The following GRIP1 variants were observed in gnomAD, a reference collection of about 807,000 sequenced individuals.
The protein encoded by GRIP1 is glutamate receptor interacting protein 1, also known as glutamate receptor-interacting protein 1.
GRIP1 carries 45 observed loss-of-function variants against 129.9 expected under a neutral mutation model. That is an observed-to-expected ratio of 0.35 (90% CI 0.27 to 0.44). The LOEUF is 0.44. GRIP1 is among the 20% of genes least tolerant of loss of function. The pLI, the probability that GRIP1 is intolerant of heterozygous loss-of-function variation, is 1.00. For missense variants in GRIP1, 1,196 were observed against 1,396.8 expected (o/e 0.86, Z 2.29); for synonymous variants, 530 against 520.8 (o/e 1.02, Z -0.24).
intron 1 of GRIP1, among the ~76,000 whole-genome samples, chr12:66,611,952 A>T (rs1230367653): frequency 6.6e-6 from 1 of 152,214 alleles, no homozygotes. Flanking sequence ...AAGTGGAAGC[A>T]GACAGGTTTT....
intron 2 of GRIP1, chr12:66,569,017 G>A: frequency 2.3e-6 from 1 of 442,854 alleles, no homozygotes; most frequent in East Asian, 6.4e-5. Flanking sequence ...GTGCTTCTCA[G>A]CATTATTCTG....
chr12:66,405,176 C>A (rs1252111235), intron 16 of GRIP1, among the ~76,000 whole-genome samples: 4 of 152,092 alleles, frequency 2.6e-5, no homozygotes, highest in Admixed American at 6.5e-5. Flanking sequence ...AAAAACCAAA[C>A]CAAACCAAAA....
At chr12:67,030,166 G>GC (rs1018890111) in intron 1 of GRIP1, among the ~76,000 whole-genome samples, 10 of 150,882 alleles carry the variant, frequency 6.6e-5, no homozygotes, top group Non-Finnish European at 1.3e-4. Flanking sequence ...AGCCAAGATC[G>GC]CCCCACTGCA....
intron 7 of GRIP1, among the ~76,000 whole-genome samples, chr12:66,514,125 T>C (rs903682936): frequency 2.6e-5 from 4 of 152,180 alleles, no homozygotes; most frequent in Non-Finnish European, 4.4e-5. Context: ...ATGAGTTTAT[T>C]TGTTTGGTAA....
chr12:66,440,145 CCTTTT>C (rs1174117348), intron 13 of GRIP1, among the ~76,000 whole-genome samples: 1 of 152,088 alleles, frequency 6.6e-6, no homozygotes, highest in Non-Finnish European at 1.5e-5. Flanking sequence ...ATTCTCACAT[CCTTTT>C]CTTTTCTTTT....
intron 13 of GRIP1, among the ~76,000 whole-genome samples, chr12:66,435,080 A>T (rs1158868269): frequency 6.6e-6 from 1 of 152,242 alleles, no homozygotes; most frequent in Admixed American, 6.5e-5. Context: ...CCTCCACACA[A>T]GTGTTTACGG....
chr12:66,672,566 A>C (rs2034132273), intron 1 of GRIP1, among the ~76,000 whole-genome samples: 1 of 151,982 alleles, frequency 6.6e-6, no homozygotes, highest in Admixed American at 6.6e-5. Context: ...TCTTCTGTAT[A>C]TTTAATAAAG....
intron 13 of GRIP1, among the ~76,000 whole-genome samples, chr12:66,433,762 G>A (rs1447080936): frequency 6.6e-6 from 1 of 152,208 alleles, no homozygotes; most frequent in Admixed American, 6.5e-5. Flanking sequence ...TTGGAAAGAA[G>A]TGGGGAGAGG....
intron 4 of GRIP1, among the ~76,000 whole-genome samples, chr12:66,538,805 G>A (rs182165844): frequency 9.9e-5 from 15 of 151,804 alleles, no homozygotes; most frequent in Admixed American, 9.8e-4. Flanking sequence ...GCTTTGCCAT[G>A]TTGCCCAGGC....
chr12:66,412,752 C>T (rs911580643), intron 15 of GRIP1, among the ~76,000 whole-genome samples: 1 of 152,148 alleles, frequency 6.6e-6, no homozygotes, highest in African/African-American at 2.4e-5. Context: ...ATCTCACATG[C>T]AGTGACACAC....
At chr12:66,663,767 C>G (rs1172788822) in intron 1 of GRIP1, among the ~76,000 whole-genome samples, 1 of 152,178 alleles carries the variant, frequency 6.6e-6, no homozygotes, top group Admixed American at 6.5e-5. Flanking sequence ...GTAAACAATA[C>G]CAGAGAATAC....
At chr12:66,477,784 T>C (rs533538045) in intron 7 of GRIP1, among the ~76,000 whole-genome samples, 1 of 148,526 alleles carries the variant, frequency 6.7e-6, no homozygotes, top group Non-Finnish European at 1.5e-5. Flanking sequence ...GGGGAAAGGA[T>C]TCCCTATTTA....
intron 1 of GRIP1, among the ~76,000 whole-genome samples, chr12:66,985,494 T>G (rs1249262267): frequency 6.6e-6 from 1 of 152,182 alleles, no homozygotes; most frequent in Non-Finnish European, 1.5e-5. Context: ...TTTTACTGTT[T>G]AAATTTCCTT....
At chr12:66,559,336 C>G (rs1225974535) in intron 2 of GRIP1, among the ~76,000 whole-genome samples, 1 of 151,994 alleles carries the variant, frequency 6.6e-6, no homozygotes, top group Non-Finnish European at 1.5e-5. Flanking sequence ...CTAGCTAGAG[C>G]AATCAGATAA....
chr12:66,956,055 T>C (rs2041836134), intron 1 of GRIP1, among the ~76,000 whole-genome samples: 2 of 152,238 alleles, frequency 1.3e-5, no homozygotes, highest in South Asian at 2.1e-4. Flanking sequence ...TCCTCTAATA[T>C]TGCCATTTTA....
chr12:66,594,813 C>T (rs1286104506), intron 2 of GRIP1, among the ~76,000 whole-genome samples: 1 of 152,188 alleles, frequency 6.6e-6, no homozygotes, highest in Non-Finnish European at 1.5e-5. Flanking sequence ...TGTTGGGTTT[C>T]ACCTCTCTTT....
At chr12:66,832,541 A>G (rs532324452) in intron 1 of GRIP1, among the ~76,000 whole-genome samples, 4 of 152,308 alleles carry the variant, frequency 2.6e-5, no homozygotes, top group African/African-American at 9.6e-5. Flanking sequence ...CTCTGCTTTT[A>G]GAACTGCACA....
chr12:66,871,037 T>G (rs2040286776), intron 1 of GRIP1, among the ~76,000 whole-genome samples: 1 of 152,090 alleles, frequency 6.6e-6, no homozygotes, highest in African/African-American at 2.4e-5. Context: ...TGAGACTTAC[T>G]TTTTTCATGT....
chr12:66,892,127 G>A (rs1199289084), intron 1 of GRIP1, among the ~76,000 whole-genome samples: 1 of 152,158 alleles, frequency 6.6e-6, no homozygotes, highest in Non-Finnish European at 1.5e-5. Context: ...GTGAGCACAG[G>A]TGAAATATGG....
Sources: gnomAD v4.1 joint callset for allele counts (sites outside exome capture counted in the v4.1 genomes callset) on GRCh38, gnomAD v4.1.1 for gene constraint, MANE v1.5 for transcripts, NCBI Gene and HGNC (gene_info 2026-07-23, HGNC 2026-07-21) for gene names.